ATAD2B: variants seen among roughly 807,000 people sequenced by gnomAD.
The protein encoded by ATAD2B is ATPase family AAA domain-containing protein 2B.
ATAD2B carries 40 observed loss-of-function variants against 167.6 expected under a neutral mutation model. The observed-to-expected ratio is 0.24, with a 90% CI of 0.19 to 0.31. ATAD2B has a LOEUF of 0.31. ATAD2B is among the 10% of genes least tolerant of loss of function. ATAD2B has a pLI of 1.00. For synonymous variants in ATAD2B, 579 were observed against 596.5 expected (o/e 0.97, Z 0.43); for missense variants, 1,242 against 1,757.2 (o/e 0.71, Z 5.24).
At chr2:23,758,145 C>T (rs1216595551) in intron 24 of ATAD2B, 44 bp from the exon 25 acceptor site, 1 of 1,414,368 alleles carries the variant, frequency 7.1e-7, no homozygotes, top group African/African-American at 1.4e-5. Flanking sequence ...ACTTGGAATG[C>T]AATACCAATT....
intron 18 of ATAD2B, among the ~76,000 whole-genome samples, chr2:23,798,589 T>A (rs890187794): frequency 2.0e-5 from 3 of 151,438 alleles, no homozygotes; most frequent in Non-Finnish European, 4.4e-5. Flanking sequence ...ATATTAACAG[T>A]GGAAGGTATC....
intron 18 of ATAD2B, 101 bp downstream of exon 18, chr2:23,810,215 G>A (rs574007629): frequency 3.4e-4 from 350 of 1,019,282 alleles, no homozygotes; most frequent in Non-Finnish European, 4.6e-4. Context: ...TATTCATATC[G>A]TACTCTGAAA....
At chr2:23,811,097 CCTG>C (rs1434849043) in intron 17 of ATAD2B, 1 of 152,412 alleles carries the variant, frequency 6.6e-6, no homozygotes, top group Non-Finnish European at 1.5e-5. Context: ...CCTTGGTATT[CCTG>C]CTATCATACC....
intron 7 of ATAD2B, among the ~76,000 whole-genome samples, chr2:23,877,370 T>C (rs891970186): frequency 1.3e-5 from 2 of 151,176 alleles, no homozygotes; most frequent in African/African-American, 2.4e-5. Context: ...GGCATGCGCC[T>C]GTAATCCCAG....
At chr2:23,922,280 T>C (rs866431929) in intron 1 of ATAD2B, among the ~76,000 whole-genome samples, 1 of 152,256 alleles carries the variant, frequency 6.6e-6, no homozygotes, top group East Asian at 1.9e-4. Context: ...TATTAGATTG[T>C]TTACTAGGAG....
chr2:23,678,296 C>T, the ATAD2B span, among the ~76,000 whole-genome samples: 3 of 152,184 alleles, frequency 2.0e-5, no homozygotes, highest in Non-Finnish European at 4.4e-5. Flanking sequence ...TTTACACTCA[C>T]CACTTAGAAC....
intron 6 of ATAD2B, among the ~76,000 whole-genome samples, chr2:23,882,323 G>C (rs1188092202): frequency 6.6e-6 from 1 of 151,724 alleles, no homozygotes; most frequent in Non-Finnish European, 1.5e-5. Context: ...AGCCTCCCGA[G>C]TAGCTGCGAT....
At chr2:23,862,401 G>GTTTTTTTTTTTTTTTTTT (rs750865073) in intron 12 of ATAD2B, among the ~76,000 whole-genome samples, 4 of 99,440 alleles carry the variant, frequency 4.0e-5, no homozygotes, top group African/African-American at 1.2e-4. Context: ...ATTTGGACTG[G>GTTTTTTTTTTTTTTTTTT]TTTTTTTTTT....
chr2:23,927,049 A>G lies in ATAD2B; in HGVS notation c.-279T>C, dbSNP rs1705003662. ...TCAGCGGGAGCCGAGCGGAGCCGCC[A>G]TTTCTACCCCTTTCTCTCCCGTTCT... On this transcript the variant is annotated 5_prime_UTR_variant, in exon 1 of 28. The change abolishes an upstream ATG in the 5' untranslated region. Coordinates refer to ENST00000238789, the MANE Select transcript of ATAD2B (RefSeq NM_017552.4). 2.3e-6 allele frequency: 1 copy of G among 441,102 alleles called. No homozygotes were observed. Among genetic ancestry groups the G allele is most frequent in the Non-Finnish European group, 4.0e-6 (1 of 250,250 alleles). 27.3% of individuals were successfully genotyped at this position (441,102 alleles called of 1,614,324 possible).
chr2:23,733,274 T>G, the ATAD2B span, among the ~76,000 whole-genome samples: 18 of 152,204 alleles, frequency 1.2e-4, no homozygotes, highest in African/African-American at 3.4e-4. Flanking sequence ...AGTACCTATC[T>G]TACTGACCTG....
intron 13 of ATAD2B, among the ~76,000 whole-genome samples, chr2:23,849,914 G>A (rs187421337): frequency 2.6e-3 from 397 of 152,108 alleles, no homozygotes; most frequent in Non-Finnish European, 4.1e-3. Flanking sequence ...ACCATAAATG[G>A]CAGAATGCAA....
At chr2:23,852,739 T>C (rs569865342) in intron 13 of ATAD2B, among the ~76,000 whole-genome samples, 1 of 151,926 alleles carries the variant, frequency 6.6e-6, no homozygotes. Context: ...ACCAACATGG[T>C]GAAACCCTGT....
intron 13 of ATAD2B, among the ~76,000 whole-genome samples, chr2:23,834,847 G>A (rs980016702): frequency 6.6e-6 from 1 of 152,068 alleles, no homozygotes; most frequent in Admixed American, 6.5e-5. Context: ...GAACCCAGGA[G>A]TTTGAGATTA....
chr2:23,744,491 T>A (rs1674697386), downstream of ATAD2B, among the ~76,000 whole-genome samples: 1 of 152,232 alleles, frequency 6.6e-6, no homozygotes, highest in Non-Finnish European at 1.5e-5. Context: ...TTTAGAAAGA[T>A]GACTGAAATT....
intron 15 of ATAD2B, among the ~76,000 whole-genome samples, chr2:23,825,006 T>C (rs1301772743): frequency 6.6e-6 from 1 of 152,048 alleles, no homozygotes; most frequent in African/African-American, 2.4e-5. Context: ...GTGCAGTGGG[T>C]GATCATGGCT....
At chr2:23,788,137 C>T (rs1309091287) in intron 20 of ATAD2B, 2 of 181,020 alleles carry the variant, frequency 1.1e-5, no homozygotes, top group Admixed American at 1.1e-4. Context: ...TCTATCATGG[C>T]CCAAAAAGTA....
chr2:23,805,799 A>AAAAAAAAAAAAC (rs1684287698), intron 18 of ATAD2B, among the ~76,000 whole-genome samples: 1 of 125,392 alleles, frequency 8.0e-6, no homozygotes, highest in African/African-American at 2.7e-5. Context: ...AAGCTTTAAA[A>AAAAAAAAAAAAC]AAAAAAAAAC....
chr2:23,874,988 G>A (rs1368758553), intron 8 of ATAD2B, among the ~76,000 whole-genome samples: 5 of 150,266 alleles, frequency 3.3e-5, no homozygotes, highest in Non-Finnish European at 7.4e-5. Flanking sequence ...CCCAGGAGGT[G>A]GAGCTTGCAG....
At chr2:23,767,059 T>A (rs559976327) in intron 22 of ATAD2B, among the ~76,000 whole-genome samples, 1 of 152,178 alleles carries the variant, frequency 6.6e-6, no homozygotes, top group Non-Finnish European at 1.5e-5. Context: ...AAAGAATCAA[T>A]ATGTCAGTAT....
Sources: gnomAD v4.1 joint callset for allele counts (sites outside exome capture counted in the v4.1 genomes callset) on GRCh38, gnomAD v4.1.1 for gene constraint, MANE v1.5 for transcripts, NCBI Gene and HGNC (gene_info 2026-07-23, HGNC 2026-07-21) for gene names.